Variants in STRN observed in about 807,000 individuals in gnomAD.
STRN encodes protein phosphatase 2 regulatory subunit B'''alpha.
STRN carries 53 observed loss-of-function variants against 96.3 expected under a neutral mutation model. The ratio of observed to expected loss-of-function variants is 0.55; its 90% CI spans 0.44 to 0.69. The LOEUF is 0.69. Among genes scored for constraint, STRN ranks in the 30% least tolerant of loss-of-function variants. The probability of loss-of-function intolerance (pLI) is 0.00; values close to 1 mark genes in which losing one functional copy is unlikely to be tolerated. For synonymous variants in STRN, 428 were observed against 355.9 expected (o/e 1.20, Z -2.28); for missense variants, 987 against 963.9 (o/e 1.02, Z -0.32).
Position 36,924,224 on chromosome 2 carries a change from C to T in STRN, c.338+881G>A, listed in dbSNP as rs189933808. Among the ~76,000 whole-genome samples the T allele has an allele frequency of 3.9e-5, 6 of 151,916 alleles. 1 individual carries two copies. Among genetic ancestry groups the T allele is most frequent in the African/African-American group, 2.4e-5 (1 of 41,436 alleles). On this transcript the variant is annotated intron_variant, in intron 2 of 17. Transcript: ENST00000263918. ...ACAAAAAATTAGCCAGGCGTGGTGG[C>T]GGGCACCTGTAGTCCCAGCTACTTG...
At chr2:36,905,775 C>T (rs1457116504) in intron 3 of STRN, among the ~76,000 whole-genome samples, 157 bp from the exon 4 acceptor site, 1 of 152,168 alleles carries the variant, frequency 6.6e-6, no homozygotes, top group Non-Finnish European at 1.5e-5. Context: ...TGTTTTTTAA[C>T]TGTAATTTCT....
At chr2:36,930,647 A>C (rs549739773) in intron 1 of STRN, among the ~76,000 whole-genome samples, 1 of 152,168 alleles carries the variant, frequency 6.6e-6, no homozygotes, top group South Asian at 2.1e-4. Context: ...ACTGACTTAA[A>C]CCGTTTGTAA....
intron 2 of STRN, among the ~76,000 whole-genome samples, chr2:36,918,287 T>C (rs1298304903): frequency 2.6e-5 from 4 of 152,158 alleles, no homozygotes; most frequent in African/African-American, 9.6e-5. Context: ...AAGTTCTAAA[T>C]GTAACTGTCA....
Position 36,869,719 on chromosome 2 carries a change from T to C in STRN, c.1334A>G (p.Asn445Ser), listed in dbSNP as rs775435403. Residue 445 changes from asparagine (N) to serine (S), a missense_variant, in exon 11 of 18, where the codon AAT (asparagine) becomes AGT (serine). Coordinates refer to ENST00000263918, the MANE Select transcript of STRN (RefSeq NM_003162.4). ...CCATGTCTTCCTCAATGCATCTTTA[T>C]TGTTTGCTATCTATTAAAGAAACAA... ...ADSLTYDIAN[N>S]KDALRKTWNP... is the part of the protein sequence containing the mutation. 4 of 1,600,512 alleles carry C rather than the reference T, an allele frequency of 2.5e-6. No homozygotes were observed. In the South Asian group the frequency reaches 3.4e-5, roughly 14 times the overall value.
intron 7 of STRN, among the ~76,000 whole-genome samples, chr2:36,893,126 G>A (rs980796579): frequency 1.8e-4 from 27 of 152,102 alleles, no homozygotes; most frequent in Non-Finnish European, 3.5e-4. Context: ...AAACTTTCAG[G>A]TGCCAGTAAT....
Position 36,942,878 on chromosome 2 carries a change from T to C in STRN, c.235-17670A>G, listed in dbSNP as rs138865564. 4.9e-3 allele frequency among the ~76,000 whole-genome samples: 693 copies of C among 142,700 alleles called. 8 individuals carry two copies. The highest frequency in any genetic ancestry group is 0.017 in the African/African-American group (667 of 38,912). 93.6% of individuals were successfully genotyped at this position (142,700 alleles called of 152,430 possible). A position where few individuals can be genotyped will look rare whatever the true frequency, so the allele number is the denominator to read the frequency against. ...ACCCAGCTAATTTTTGAATTTTTGGTAAAGACAGAGTTTCACCATGTTGGC... is the reference window on the plus strand; with the variant it reads ...ACCCAGCTAATTTTTGAATTTTTGGCAAAGACAGAGTTTCACCATGTTGGC... On this transcript the variant is annotated intron_variant, in intron 1 of 17. Coordinates refer to ENST00000263918, the MANE Select transcript of STRN (RefSeq NM_003162.4).
intron 4 of STRN, among the ~76,000 whole-genome samples, chr2:36,905,052 C>T (rs1669786935): frequency 6.6e-6 from 1 of 150,524 alleles, no homozygotes; most frequent in Admixed American, 6.6e-5. Flanking sequence ...TCACTGCAAA[C>T]TCCACCTCCC....
intron 12 of STRN, among the ~76,000 whole-genome samples, chr2:36,864,869 C>CG (rs1558627157): frequency 6.6e-6 from 1 of 152,138 alleles, no homozygotes; most frequent in Admixed American, 6.6e-5. Flanking sequence ...CCTGCCACCA[C>CG]GCCCAGCTAA....
intron 7 of STRN, among the ~76,000 whole-genome samples, chr2:36,889,541 T>C (rs1005279501): frequency 6.9e-6 from 1 of 145,124 alleles, no homozygotes; most frequent in Admixed American, 7.5e-5. Flanking sequence ...ATAGCAATCA[T>C]GGAAGATGTA....
intron 2 of STRN, among the ~76,000 whole-genome samples, chr2:36,921,504 T>TC (rs1670254962): frequency 6.6e-6 from 1 of 152,206 alleles, no homozygotes; most frequent in African/African-American, 2.4e-5. Flanking sequence ...TCATCATGCG[T>TC]CCCCTTCACA....
chr2:36,882,730 C>A (rs1473618558), intron 9 of STRN, among the ~76,000 whole-genome samples: 1 of 152,160 alleles, frequency 6.6e-6, no homozygotes, highest in Non-Finnish European at 1.5e-5. Context: ...GATTGCGCCA[C>A]TGCACTCTAA....
chr2:36,924,997 G>A (rs1400048395), intron 2 of STRN, 108 bp downstream of exon 2: 69 of 915,890 alleles, frequency 7.5e-5, no homozygotes, highest in African/African-American at 9.9e-5. Context: ...CGGAGGTCGC[G>A]GTGAGCCAAG....
At chr2:36,875,237 C>A (rs986888250) in intron 10 of STRN, among the ~76,000 whole-genome samples, 1 of 152,056 alleles carries the variant, frequency 6.6e-6, no homozygotes. Flanking sequence ...CAGCCAGGCA[C>A]GATGGCTCAT....
chr2:36,901,305 T>TAA (rs1558644799), intron 5 of STRN, among the ~76,000 whole-genome samples: 1 of 152,074 alleles, frequency 6.6e-6, no homozygotes, highest in Non-Finnish European at 1.5e-5. Flanking sequence ...GTAATCCCAG[T>TAA]ACTTCAGGAG....
intron 1 of STRN, among the ~76,000 whole-genome samples, chr2:36,957,531 T>C (rs1664919011): frequency 6.6e-6 from 1 of 151,764 alleles, no homozygotes; most frequent in Non-Finnish European, 1.5e-5. Flanking sequence ...GAGGTTGCAG[T>C]AAGCCAAGAT....
intron 1 of STRN, among the ~76,000 whole-genome samples, chr2:36,963,104 C>T (rs939996963): frequency 9.2e-5 from 14 of 152,108 alleles, no homozygotes; most frequent in Admixed American, 2.6e-4. Flanking sequence ...GAGAATTTAT[C>T]AAATAAGATG....
intron 15 of STRN, among the ~76,000 whole-genome samples, chr2:36,852,409 G>T (rs1390860600): frequency 6.6e-6 from 1 of 152,134 alleles, no homozygotes; most frequent in Non-Finnish European, 1.5e-5. Flanking sequence ...TAATAGTATT[G>T]TGTCAATGTT....
chr2:36,966,535 T>G lies in STRN; in HGVS notation c.-72A>C. 7.5e-7 allele frequency: 1 copy of G among 1,339,318 alleles called. No homozygotes were observed. The highest frequency in any genetic ancestry group is 9.5e-7 in the Non-Finnish European group (1 of 1,049,924). The allele number at this position is 1,339,318 out of a possible 1,614,324, so 83.0% of individuals were successfully genotyped here. A position where few individuals can be genotyped will look rare whatever the true frequency, so the allele number is the denominator to read the frequency against. Reference sequence around the variant, plus strand: ...GGCAACAGCGGCGGCAAGCAGCGCCTCCTCCTCCCTCCGCCGCTCCCGCCC... The same window carrying G: ...GGCAACAGCGGCGGCAAGCAGCGCCGCCTCCTCCCTCCGCCGCTCCCGCCC... On this transcript the variant is annotated 5_prime_UTR_variant, in exon 1 of 18. Coordinates refer to ENST00000263918, the MANE Select transcript of STRN (RefSeq NM_003162.4).
chr2:36,870,625 C>G (rs1668739435), intron 10 of STRN, among the ~76,000 whole-genome samples: 1 of 152,130 alleles, frequency 6.6e-6, no homozygotes. Context: ...ATAAACAAAC[C>G]TATTTGTGCT....
Sources: allele counts gnomAD v4.1 joint callset (sites outside exome capture counted in the v4.1 genomes callset), GRCh38; gene constraint gnomAD v4.1.1; transcripts MANE v1.5; gene names NCBI Gene and HGNC (gene_info 2026-07-23, HGNC 2026-07-21).